SVEP1: variants seen among roughly 807,000 people sequenced by gnomAD.
The protein encoded by SVEP1 is sushi, von Willebrand factor type A, EGF and pentraxin domain-containing protein 1.
SVEP1 carries 164 observed loss-of-function variants against 367.3 expected under a neutral mutation model. That is an observed-to-expected ratio of 0.45 (90% CI 0.39 to 0.51). The LOEUF (loss-of-function observed/expected upper bound fraction) is 0.51, where lower values mean the gene tolerates loss of function less well. SVEP1 is among the 20% of genes least tolerant of loss of function. The pLI is 0.00. For synonymous variants in SVEP1, 1,666 were observed against 1,611.6 expected (o/e 1.03, Z -0.81); for missense variants, 4,117 against 4,425.3 (o/e 0.93, Z 1.98).
At position 110,385,929 on chromosome 9, in the gene SVEP1, C is replaced by G; in HGVS notation, c.10206G>C (p.Glu3402Asp). ...GHGIITCNPD[E>D]TWTQTSAKCE... ...ATTTGGCGCTTGTCTGTGTCCACGT[C>G]TCGTCGGGGTTGCAGGTAATGATGC... The change falls in exon 43 of 48, where the codon GAG becomes GAC. Residue 3402 changes from glutamate to aspartate, a missense_variant. Physicochemically the swap from Glu to Asp is conservative, Grantham distance 45. This residue lies in a region of SVEP1 where 1,765 missense variants were observed against 1,781.1 expected (regional missense o/e 0.99). Coordinates refer to ENST00000374469, the MANE Select transcript of SVEP1 (RefSeq NM_153366.4). 6.2e-7 allele frequency: 1 copy of G among 1,613,820 alleles called. No homozygotes were observed. The highest frequency in any genetic ancestry group is 1.3e-5 in the African/African-American group (1 of 75,036).
At chr9:110,483,368 C>T (rs1254188383) in intron 10 of SVEP1, among the ~76,000 whole-genome samples, 1 of 151,982 alleles carries the variant, frequency 6.6e-6, no homozygotes, top group Non-Finnish European at 1.5e-5. Context: ...TCAACAAATG[C>T]CCATGAAATA....
intron 23 of SVEP1, 95 bp downstream of exon 23, chr9:110,451,194 C>CA: frequency 9.8e-7 from 1 of 1,021,998 alleles, no homozygotes; most frequent in Non-Finnish European, 1.4e-6. Context: ...TAATAAAATC[C>CA]AAAAATTCAC....
intron 3 of SVEP1, among the ~76,000 whole-genome samples, chr9:110,545,567 T>G (rs1013572878): frequency 6.6e-6 from 1 of 152,228 alleles, no homozygotes; most frequent in Admixed American, 6.5e-5. Flanking sequence ...TTTTTTTATG[T>G]GTAAATCTTA....
intron 44 of SVEP1, among the ~76,000 whole-genome samples, chr9:110,378,767 G>C (rs1332088888): frequency 1.6e-5 from 2 of 128,770 alleles, no homozygotes; most frequent in Admixed American, 8.2e-5. Context: ...GTTGTGGGGT[G>C]GGGGGAGGGC....
chr9:110,403,308 T>G (rs938511569), intron 39 of SVEP1, among the ~76,000 whole-genome samples: 3 of 131,020 alleles, frequency 2.3e-5, no homozygotes, highest in East Asian at 4.4e-4. Context: ...TTTTTTTTTT[T>G]TTTTTTTTTT....
chr9:110,537,206 CATATTT>C (rs1165433074), intron 3 of SVEP1, among the ~76,000 whole-genome samples: 1 of 151,760 alleles, frequency 6.6e-6, no homozygotes, highest in Non-Finnish European at 1.5e-5. Context: ...GTCCCATGTA[CATATTT>C]ATATGAAGAA....
chr9:110,509,158 G>T (rs905526550), intron 5 of SVEP1, among the ~76,000 whole-genome samples: 2 of 152,108 alleles, frequency 1.3e-5, no homozygotes, highest in Admixed American at 1.3e-4. Context: ...CACTAACAAA[G>T]AAACAATAAT....
intron 14 of SVEP1, 162 bp downstream of exon 14, chr9:110,476,042 C>T: frequency 1.9e-6 from 1 of 519,966 alleles, no homozygotes; most frequent in Non-Finnish European, 3.4e-6. Flanking sequence ...TTGATATAAC[C>T]TTAATGATCT....
intron 3 of SVEP1, among the ~76,000 whole-genome samples, chr9:110,538,037 A>T (rs1419275367): frequency 6.6e-6 from 1 of 152,008 alleles, no homozygotes; most frequent in African/African-American, 2.4e-5. Context: ...TTATCTTGAG[A>T]ATTCTTGGCA....
intron 23 of SVEP1, among the ~76,000 whole-genome samples, chr9:110,450,956 C>G (rs2118613087): frequency 6.6e-6 from 1 of 152,266 alleles, no homozygotes; most frequent in Non-Finnish European, 1.5e-5. Flanking sequence ...ATTAAGCATA[C>G]ACTTTTAAAC....
At chr9:110,462,909 A>G (rs1405481394) in intron 18 of SVEP1, among the ~76,000 whole-genome samples, 1 of 152,046 alleles carries the variant, frequency 6.6e-6, no homozygotes, top group African/African-American at 2.4e-5. Flanking sequence ...TTTTCTGACT[A>G]TGATTAATAA....
rs1450446882 is a variant in SVEP1 at position 110,379,215 on chromosome 9, A to G, written c.10408+132T>C. ...AACCATAACATTAAAAGAAAATTAC[A>G]CAGCTGCTAAAAGAAATTTTAAAGC... On this transcript the variant is annotated intron_variant, in intron 44 of 47. Transcript: ENST00000374469. The G allele has an allele frequency of 1.4e-5, 14 of 990,438 alleles. 1 individual carries two copies. In the Admixed American group the frequency reaches 2.5e-4, roughly 17 times the overall value. 61.4% of individuals were successfully genotyped at this position (990,438 alleles called of 1,614,324 possible). A position where few individuals can be genotyped will look rare whatever the true frequency, so the allele number is the denominator to read the frequency against.
In SVEP1 at chr9:110,473,255, T is replaced by A. The variant is rs182914818; in HGVS notation, c.2600-932A>T. ...AATTAACTGGGATTAATATCATCTTTTTACTTAAACATTTTCTCCACAAGC... is the reference window on the plus strand; with the variant it reads ...AATTAACTGGGATTAATATCATCTTATTACTTAAACATTTTCTCCACAAGC... On this transcript the variant is annotated intron_variant, in intron 14 of 47. Coordinates refer to ENST00000374469, the MANE Select transcript of SVEP1 (RefSeq NM_153366.4). 1.4e-4 allele frequency among the ~76,000 whole-genome samples: 21 copies of A among 152,306 alleles called. No individual in the cohort carries two copies. In the Middle Eastern group the frequency reaches 0.014, roughly 99 times the overall value.
intron 38 of SVEP1, among the ~76,000 whole-genome samples, chr9:110,405,024 TCAAAAAACCAAAAAA>T (rs1011322195): frequency 6.6e-6 from 1 of 152,068 alleles, no homozygotes; most frequent in Non-Finnish European, 1.5e-5. Flanking sequence ...AGACGTTGTC[TCAAAAAACCAAAAAA>T]CAAAAAACCG....
chr9:110,418,835 T>C (rs1409779115), intron 36 of SVEP1, among the ~76,000 whole-genome samples: 1 of 123,506 alleles, frequency 8.1e-6, no homozygotes, highest in Non-Finnish European at 1.8e-5. Context: ...GAAAAGAATT[T>C]TCAACCCAGA....
intron 22 of SVEP1, among the ~76,000 whole-genome samples, chr9:110,454,206 C>T (rs1159262196): frequency 2.6e-5 from 4 of 152,086 alleles, no homozygotes; most frequent in East Asian, 1.9e-4. Context: ...AGAAGCTCTT[C>T]GATTTAATTA....
intron 18 of SVEP1, among the ~76,000 whole-genome samples, chr9:110,464,693 C>G (rs571792480): frequency 5.3e-5 from 8 of 152,238 alleles, no homozygotes; most frequent in African/African-American, 1.9e-4. Flanking sequence ...GTGGGAACAG[C>G]TTCTTCATTT....
intron 3 of SVEP1, among the ~76,000 whole-genome samples, chr9:110,523,313 A>C (rs1829900931): frequency 6.6e-6 from 1 of 152,206 alleles, no homozygotes; most frequent in Non-Finnish European, 1.5e-5. Flanking sequence ...CCCACAACTA[A>C]TGGGAAACAT....
intron 40 of SVEP1, among the ~76,000 whole-genome samples, chr9:110,394,025 G>A (rs1041937715): frequency 9.2e-5 from 14 of 152,320 alleles, no homozygotes; most frequent in East Asian, 7.7e-4. Context: ...CTCCCAGCAC[G>A]CAGCTTGAGA....
Sources: allele counts gnomAD v4.1 joint callset (sites outside exome capture counted in the v4.1 genomes callset), GRCh38; gene constraint gnomAD v4.1.1; regional missense constraint gnomAD v4.1.1; transcripts MANE v1.5; gene names NCBI Gene and HGNC (gene_info 2026-07-23, HGNC 2026-07-21).